The following CADPS variants were observed in gnomAD, a reference collection of about 807,000 sequenced individuals.
The protein encoded by CADPS is calcium-dependent secretion activator 1.
In CADPS, 57 loss-of-function variants were observed where a neutral mutation model predicts 167.3. That is an observed-to-expected ratio of 0.34 (90% CI 0.28 to 0.42). The LOEUF (loss-of-function observed/expected upper bound fraction) is 0.42, where lower values mean the gene tolerates loss of function less well. CADPS is among the 20% of genes least tolerant of loss of function. The pLI, the probability that CADPS is intolerant of heterozygous loss-of-function variation, is 1.00. For synonymous variants in CADPS, 676 were observed against 635.3 expected (o/e 1.06, Z -0.96); for missense variants, 1,414 against 1,738.1 (o/e 0.81, Z 3.32).
intron 6 of CADPS, among the ~76,000 whole-genome samples, chr3:62,628,132 G>A (rs572039103): frequency 1.3e-5 from 2 of 152,278 alleles, no homozygotes; most frequent in African/African-American, 2.4e-5. Flanking sequence ...ACTTGCTCCC[G>A]TAAGCATATC....
chr3:62,688,121 A>G (rs996311992), intron 3 of CADPS, among the ~76,000 whole-genome samples: 2 of 152,062 alleles, frequency 1.3e-5, no homozygotes, highest in East Asian at 1.9e-4. Flanking sequence ...CCATTGCAGC[A>G]CTACTAGCAT....
chr3:62,539,192 T>G (rs2075281041), intron 11 of CADPS, among the ~76,000 whole-genome samples: 1 of 152,156 alleles, frequency 6.6e-6, no homozygotes, highest in African/African-American at 2.4e-5. Context: ...AACTGTAGGA[T>G]GCTGGCTGAA....
At chr3:62,518,054 C>G in intron 14 of CADPS, 95 bp downstream of exon 14, 2 of 800,796 alleles carry the variant, frequency 2.5e-6, no homozygotes, top group Non-Finnish European at 4.3e-6. Context: ...CCAATGTATC[C>G]TCTGGTAGAT....
chr3:62,400,802 G>T (rs1444363341), intron 29 of CADPS, among the ~76,000 whole-genome samples: 1 of 151,974 alleles, frequency 6.6e-6, no homozygotes, highest in African/African-American at 2.4e-5. Context: ...GTTTCACCAT[G>T]TTGGCCAGGA....
At chr3:62,684,981 A>C (rs991860084) in intron 3 of CADPS, among the ~76,000 whole-genome samples, 18 of 152,182 alleles carry the variant, frequency 1.2e-4, no homozygotes, top group Middle Eastern at 3.4e-3. Flanking sequence ...TATGCAGCTC[A>C]TTTTGAGGGA....
chr3:62,639,866 A>T (rs377409101), intron 6 of CADPS, among the ~76,000 whole-genome samples: 2 of 152,178 alleles, frequency 1.3e-5, no homozygotes, highest in East Asian at 3.9e-4. Flanking sequence ...GGTCCAGGAC[A>T]CATCAAGCCC....
chr3:62,619,084 A>T (rs1027425035), intron 6 of CADPS, among the ~76,000 whole-genome samples: 3 of 152,152 alleles, frequency 2.0e-5, no homozygotes, highest in African/African-American at 7.2e-5. Context: ...TACTTACAGA[A>T]CCTCTGTGGC....
At chr3:62,550,987 T>G (rs1039733888) in intron 10 of CADPS, 1 of 454,188 alleles carries the variant, frequency 2.2e-6, no homozygotes, top group African/African-American at 2.0e-5. Context: ...CTTCCTGATT[T>G]TTAAATGCTG....
intron 3 of CADPS, among the ~76,000 whole-genome samples, chr3:62,693,803 C>A (rs1008971222): frequency 2.3e-5 from 3 of 127,692 alleles, no homozygotes; most frequent in African/African-American, 9.0e-5. Flanking sequence ...AAAAAAAATT[C>A]TATTTTCCTT....
chr3:62,777,112 C>T (rs142103879), intron 1 of CADPS, among the ~76,000 whole-genome samples: 10 of 152,288 alleles, frequency 6.6e-5, no homozygotes, highest in African/African-American at 2.4e-4. Flanking sequence ...GATTAAAATA[C>T]TAGCACAGCA....
chr3:62,634,431 A>C (rs778576389), intron 6 of CADPS, among the ~76,000 whole-genome samples: 8 of 152,224 alleles, frequency 5.3e-5, no homozygotes, highest in Non-Finnish European at 1.2e-4. Context: ...AGAATTCAAC[A>C]TATAGAGCAC....
Position 62,820,693 on chromosome 3 carries a change from C to G in CADPS, c.441+53896G>C, listed in dbSNP as rs548089581. 2.0e-5 allele frequency among the ~76,000 whole-genome samples: 3 copies of G among 152,228 alleles called. No homozygotes were observed. The South Asian group carries it at 6.2e-4, about 32-fold the overall frequency. Reference sequence around the variant, plus strand: ...CTTGAATGCAGCTGGCACTTTTCAGCTTCAAGGCATTTGCATATACCATTC... The same window carrying G: ...CTTGAATGCAGCTGGCACTTTTCAGGTTCAAGGCATTTGCATATACCATTC... On this transcript the variant is annotated intron_variant, in intron 1 of 29. Coordinates refer to ENST00000383710, the MANE Select transcript of CADPS (RefSeq NM_003716.4).
intron 8 of CADPS, among the ~76,000 whole-genome samples, chr3:62,583,155 GTCTCTCTCTCTC>G (rs61474581): frequency 2.0e-4 from 30 of 147,176 alleles, no homozygotes; most frequent in African/African-American, 6.8e-4. Flanking sequence ...TACCCTCTTT[GTCTCTCTCTCTC>G]TCTCTCTCTC....
intron 1 of CADPS, among the ~76,000 whole-genome samples, chr3:62,832,133 C>A (rs982003531): frequency 4.6e-5 from 7 of 152,106 alleles, no homozygotes; most frequent in African/African-American, 1.4e-4. Flanking sequence ...AAAACAGAAC[C>A]AACACAGGAG....
chr3:62,412,890 A>C lies in CADPS; in HGVS notation c.3778-9705T>G, dbSNP rs2049240365. 6.6e-6 allele frequency among the ~76,000 whole-genome samples: 1 copy of C among 152,186 alleles called. No homozygotes were observed. Among genetic ancestry groups the C allele is most frequent in the Admixed American group, 6.6e-5 (1 of 15,264 alleles). On this transcript the variant is annotated intron_variant, in intron 28 of 29. Transcript: ENST00000383710. The surrounding 1 kb of genome is among the most constrained non-coding windows in gnomAD (Gnocchi z 4.1). Reference sequence around the variant, plus strand: ...TTTAGCTAGCCAAAGCCAGAATACAAGTAAGTATGTTGCTTCTGAATCAAT... The same window carrying C: ...TTTAGCTAGCCAAAGCCAGAATACACGTAAGTATGTTGCTTCTGAATCAAT...
At chr3:62,694,301 T>C (rs1298443001) in intron 3 of CADPS, among the ~76,000 whole-genome samples, 2 of 152,154 alleles carry the variant, frequency 1.3e-5, no homozygotes, top group Admixed American at 6.5e-5. Context: ...TGTGCCATAA[T>C]TGGTTTGATC....
At chr3:62,778,409 C>G (rs1003701939) in intron 1 of CADPS, among the ~76,000 whole-genome samples, 7 of 152,112 alleles carry the variant, frequency 4.6e-5, no homozygotes, top group Non-Finnish European at 8.8e-5. Flanking sequence ...TATTTAAAAG[C>G]CTTTCTGCAT....
chr3:62,428,174 G>A (rs1178612842), intron 28 of CADPS, among the ~76,000 whole-genome samples: 2 of 152,190 alleles, frequency 1.3e-5, no homozygotes, highest in African/African-American at 4.8e-5. Flanking sequence ...AGAAGAACAG[G>A]AGGCTGTTAA....
At chr3:62,837,639 C>T (rs769413664) in intron 1 of CADPS, among the ~76,000 whole-genome samples, 3 of 152,218 alleles carry the variant, frequency 2.0e-5, no homozygotes, top group South Asian at 2.1e-4. Context: ...TCTGGTGACC[C>T]TGTGCCAGTA....
Sources: allele counts gnomAD v4.1 joint callset (sites outside exome capture counted in the v4.1 genomes callset), GRCh38; gene constraint gnomAD v4.1.1; non-coding constraint Gnocchi (gnomAD v3.1); transcripts MANE v1.5; gene names NCBI Gene and HGNC (gene_info 2026-07-23, HGNC 2026-07-21).